The following PRDM2 variants were observed in gnomAD, a reference collection of about 807,000 sequenced individuals.
PRDM2 encodes PR domain zinc finger protein 2.
Under a neutral mutation model 130.0 loss-of-function variants are expected in PRDM2, and 30 were observed. The observed-to-expected ratio is 0.23, with a 90% CI of 0.17 to 0.31. The LOEUF (loss-of-function observed/expected upper bound fraction) is 0.31. Among genes scored for constraint, PRDM2 ranks in the 10% least tolerant of loss-of-function variants. The pLI is 1.00. For synonymous variants in PRDM2, 871 were observed against 782.4 expected (o/e 1.11, Z -1.89); for missense variants, 2,011 against 2,108.4 (o/e 0.95, Z 0.90).
chr1:13,719,116 C>T (rs1642642589), intron 2 of PRDM2, among the ~76,000 whole-genome samples: 1 of 152,120 alleles, frequency 6.6e-6, no homozygotes, highest in Admixed American at 6.5e-5. Context: ...GACAATTAAA[C>T]AAGATCTTGT....
At position 13,781,150 on chromosome 1, in the gene PRDM2, G is replaced by T. The variant is rs140444156; in HGVS notation, c.3355G>T (p.Ala1119Ser). 1.4e-5 allele frequency: 23 copies of T among 1,614,048 alleles called. No homozygotes were observed. The highest frequency in any genetic ancestry group is 1.8e-5 in the Non-Finnish European group (21 of 1,180,024). Residue 1119 changes from alanine to serine, a missense_variant, in exon 8 of 10, where the codon GCT (alanine) becomes TCT (serine). Physicochemically the swap from Ala to Ser is moderately conservative, Grantham distance 99 (BLOSUM62 1). Around this residue, in one of 5 missense-constraint regions of PRDM2, gnomAD observed 229 missense variants for 364.1 expected, o/e 0.63. Transcript: ENST00000311066. This position sits in a 1 kb window ranked among gnomAD's most constrained non-coding sequence, Gnocchi z 6.1. ...GAAACCCAGGGAAGAGCCCCAGTCTGCTGCTGAACAGGATGTTGTTGTTCA... is the reference window on the plus strand; with the variant it reads ...GAAACCCAGGGAAGAGCCCCAGTCTTCTGCTGAACAGGATGTTGTTGTTCA... Reference protein sequence around the residue: ...GLKPREEPQSAAEQDVVVQET... With the variant: ...GLKPREEPQSSAEQDVVVQET...
intron 2 of PRDM2, among the ~76,000 whole-genome samples, chr1:13,724,822 A>C (rs1168004636): frequency 6.6e-6 from 1 of 152,218 alleles, no homozygotes; most frequent in Admixed American, 6.5e-5. Flanking sequence ...ATTGCAGGGC[A>C]TAAAGGGAGA....
At position 13,780,270 on chromosome 1, in the gene PRDM2, T is replaced by C. The variant is rs755044684; in HGVS notation, c.2475T>C (p.Asp825=). 7 of 1,613,858 alleles carry C rather than the reference T, an allele frequency of 4.3e-6. No individual in the cohort carries two copies. Among genetic ancestry groups the C allele is most frequent in the Non-Finnish European group, 8.5e-7 (1 of 1,179,980 alleles). Residue 825 remains aspartate, a synonymous_variant, in exon 8 of 10, where the codon GAT becomes GAC. Coordinates refer to ENST00000311066, the MANE Select transcript of PRDM2 (RefSeq NM_001393986.1). Reference sequence around the variant, plus strand: ...GTGTGTGCAACCAGCAGCCACTGGATTTATCCAGCGGTGTCAAACAGAAGG... The same window carrying C: ...GTGTGTGCAACCAGCAGCCACTGGACTTATCCAGCGGTGTCAAACAGAAGG... ...FSSVCNQQPL[D]LSSGVKQKAE... is the part of the protein sequence containing the mutation.
chr1:13,819,188 G>A (rs1200386881), intron 9 of PRDM2, among the ~76,000 whole-genome samples: 2 of 152,182 alleles, frequency 1.3e-5, no homozygotes, highest in Non-Finnish European at 2.9e-5. Context: ...GGTGCAGCTG[G>A]GCTGGCTTCC....
chr1:13,821,830 G>C (rs968286535), intron 9 of PRDM2, among the ~76,000 whole-genome samples: 1 of 152,168 alleles, frequency 6.6e-6, no homozygotes, highest in African/African-American at 2.4e-5. Context: ...TGTGAATGTG[G>C]TTTCTGCGGA....
Position 13,781,773 on chromosome 1 carries a change from A to G in PRDM2, c.3978A>G (p.Pro1326=). ...CAAATTTCACTACACACAATATTCC[A>G]CAGACTTTCACTACCGCCATTCGCT... ...TATNFTTHNI[P]QTFTTAIRCT... Residue 1326 remains proline (P), a synonymous_variant, in exon 8 of 10, where the codon CCA becomes CCG. Transcript: ENST00000311066. The surrounding 1 kb of genome is among the most constrained non-coding windows in gnomAD (Gnocchi z 6.1). 6.2e-7 allele frequency: 1 copy of G among 1,614,152 alleles called. No individual in the cohort carries two copies. The highest frequency in any genetic ancestry group is 1.1e-5 in the South Asian group (1 of 91,088).
At chr1:13,813,692 A>C (rs1215245394) in intron 8 of PRDM2, among the ~76,000 whole-genome samples, 1 of 152,192 alleles carries the variant, frequency 6.6e-6, no homozygotes, top group African/African-American at 2.4e-5. Context: ...GTGGTCCTCC[A>C]TTAGGCCAGG....
intron 9 of PRDM2, among the ~76,000 whole-genome samples, chr1:13,821,262 C>T (rs1189210153): frequency 6.6e-6 from 1 of 151,964 alleles, no homozygotes; most frequent in Non-Finnish European, 1.5e-5. Flanking sequence ...AATAAGCCTT[C>T]CATAAACAAC....
chr1:13,773,402 A>T, intron 7 of PRDM2: 1 of 358,208 alleles, frequency 2.8e-6, no homozygotes, highest in Non-Finnish European at 5.1e-6. Flanking sequence ...CTTAAAAATG[A>T]ACTTGTTCCT....
intron 3 of PRDM2, among the ~76,000 whole-genome samples, chr1:13,732,341 C>G (rs1643136717): frequency 6.6e-6 from 1 of 152,092 alleles, no homozygotes; most frequent in Admixed American, 6.5e-5. Context: ...ATTTCTAACC[C>G]TTTATAAGAA....
chr1:13,707,036 T>C (rs914753025), intron 1 of PRDM2, among the ~76,000 whole-genome samples: 3 of 152,200 alleles, frequency 2.0e-5, no homozygotes, highest in African/African-American at 4.8e-5. Flanking sequence ...AATATAAGTG[T>C]GCCTGACACC....
At position 13,749,391 on chromosome 1, in the gene PRDM2, T is replaced by A; in HGVS notation, c.415T>A (p.Trp139Arg). 1 of 1,497,672 alleles carries A rather than the reference T, an allele frequency of 6.7e-7. No homozygotes were observed. Among genetic ancestry groups the A allele is most frequent in the African/African-American group, 1.5e-5 (1 of 68,924 alleles). 92.8% of individuals were successfully genotyped at this position (1,497,672 alleles called of 1,614,324 possible). Residue 139 changes from tryptophan to arginine, a missense_variant, in exon 6 of 10, where the codon TGG (tryptophan) becomes AGG (arginine). Coordinates refer to ENST00000311066, the MANE Select transcript of PRDM2 (RefSeq NM_001393986.1). ...PIAPGEELLV[W>R]YNGEDNPEIA... Reference sequence around the variant, plus strand: ...CGCGCCGGGCGAGGAGCTCCTGGTCTGGTACAATGGGGAAGACAACCCTGA... The same window carrying A: ...CGCGCCGGGCGAGGAGCTCCTGGTCAGGTACAATGGGGAAGACAACCCTGA...
At chr1:13,787,243 AAT>A (rs1644760655) in intron 8 of PRDM2, 7 of 983,790 alleles carry the variant, frequency 7.1e-6, no homozygotes, top group Non-Finnish European at 8.4e-6. Flanking sequence ...ACTATGTAGC[AAT>A]ATATCAGTGC....
rs899120188 is a variant in PRDM2, at chr1:13,780,316, C to G, written c.2521C>G (p.Pro841Ala). Residue 841 changes from proline to alanine, a missense_variant, in exon 8 of 10, where the codon CCA becomes GCA. This residue lies in a region of PRDM2 where 1,288 missense variants were observed against 1,237.7 expected (regional missense o/e 1.04). Coordinates refer to ENST00000311066, the MANE Select transcript of PRDM2 (RefSeq NM_001393986.1). Reference sequence around the variant, plus strand: ...GAAGGCTGAGGGTACAGGCAAGACTCCAGTCCAGTGGGAATCTGTCTTAGA... The same window carrying G: ...GAAGGCTGAGGGTACAGGCAAGACTGCAGTCCAGTGGGAATCTGTCTTAGA... ...KQKAEGTGKTPVQWESVLDLS... is the reference protein window; with the variant it reads ...KQKAEGTGKTAVQWESVLDLS... The G allele has an allele frequency of 1.2e-6, 2 of 1,614,010 alleles. No individual in the cohort carries two copies. The highest frequency in any genetic ancestry group is 1.7e-6 in the Non-Finnish European group (2 of 1,180,038).
At chr1:13,731,994 A>T (rs1425816520) in intron 3 of PRDM2, among the ~76,000 whole-genome samples, 1 of 152,174 alleles carries the variant, frequency 6.6e-6, no homozygotes, top group South Asian at 2.1e-4. Context: ...ACATCCTAGC[A>T]GGATAGGACT....
chr1:13,744,342 T>C (rs1407409060), intron 5 of PRDM2, among the ~76,000 whole-genome samples: 2 of 152,212 alleles, frequency 1.3e-5, no homozygotes, highest in Admixed American at 6.5e-5. Context: ...TCCCACATTG[T>C]AAGATACAGG....
chr1:13,745,464 G>T (rs1433532427), intron 5 of PRDM2, among the ~76,000 whole-genome samples: 1 of 148,412 alleles, frequency 6.7e-6, no homozygotes, highest in Non-Finnish European at 1.5e-5. Flanking sequence ...GTGCTCTGTC[G>T]CCCAGGCTGG....
rs1212440629 is a variant in PRDM2, at chr1:13,824,573, A to G, written c.*1438A>G. ...GCAGAAAAATGGTGGTCATTGGCCG[A>G]CATCACAGTTTTCCTGTTTCCCACC... is the stretch of plus-strand genomic sequence containing the variant. On this transcript the variant is annotated 3_prime_UTR_variant, in exon 10 of 10. Coordinates refer to ENST00000311066, the MANE Select transcript of PRDM2 (RefSeq NM_001393986.1). 1 of 152,170 alleles carries G rather than the reference A, an allele frequency of 6.6e-6. No homozygotes were observed. The highest frequency in any genetic ancestry group is 2.4e-5 in the African/African-American group (1 of 41,436). The allele number at this position is 152,170 out of a possible 1,614,324, so 9.4% of individuals were successfully genotyped here.
At chr1:13,774,925 G>A (rs557959978) in intron 7 of PRDM2, among the ~76,000 whole-genome samples, 182 of 149,412 alleles carry the variant, frequency 1.2e-3, no homozygotes, top group African/African-American at 4.1e-3. Context: ...CCGAGATCGT[G>A]CCACTGCACT....
Sources: gnomAD v4.1 joint callset for allele counts (sites outside exome capture counted in the v4.1 genomes callset) on GRCh38, gnomAD v4.1.1 for gene constraint, gnomAD v4.1.1 regional missense constraint, Gnocchi (gnomAD v3.1) non-coding constraint, MANE v1.5 for transcripts, NCBI Gene and HGNC (gene_info 2026-07-23, HGNC 2026-07-21) for gene names.